The following TMEM131L variants were observed in gnomAD, a reference collection of about 807,000 sequenced individuals.
The protein encoded by TMEM131L is transmembrane protein 131-like.
Under a neutral mutation model 192.2 loss-of-function variants are expected in TMEM131L, and 54 were observed. The ratio of observed to expected loss-of-function variants is 0.28; its 90% CI spans 0.23 to 0.35. TMEM131L has a LOEUF of 0.35. Ranked by LOEUF, TMEM131L falls within the 10% of genes least tolerant of loss-of-function variation. TMEM131L has a pLI of 1.00. For synonymous variants in TMEM131L, 701 were observed against 704.9 expected (o/e 0.99, Z 0.09); for missense variants, 1,888 against 1,972.9 (o/e 0.96, Z 0.82).
intron 19 of TMEM131L, among the ~76,000 whole-genome samples, chr4:153,594,720 C>T (rs1464696165): frequency 2.0e-5 from 3 of 152,178 alleles, no homozygotes; most frequent in Non-Finnish European, 4.4e-5. Flanking sequence ...ACAGATAACC[C>T]ATTACCACAG....
intron 3 of TMEM131L, among the ~76,000 whole-genome samples, chr4:153,546,731 C>T (rs1293752518): frequency 6.6e-6 from 1 of 152,176 alleles, no homozygotes; most frequent in Non-Finnish European, 1.5e-5. Flanking sequence ...AGTTTGAGAC[C>T]AGCCTGACCA....
intron 26 of TMEM131L, among the ~76,000 whole-genome samples, chr4:153,619,956 T>C (rs1733271734): frequency 6.6e-6 from 1 of 152,174 alleles, no homozygotes; most frequent in Non-Finnish European, 1.5e-5. Flanking sequence ...TTTAAGCCCT[T>C]GGGTCTCAGT....
intron 4 of TMEM131L, among the ~76,000 whole-genome samples, chr4:153,550,755 T>C (rs1737560603): frequency 6.6e-6 from 1 of 152,184 alleles, no homozygotes; most frequent in East Asian, 1.9e-4. Flanking sequence ...GTCTCTGAAT[T>C]TTTGTACACT....
intron 3 of TMEM131L, among the ~76,000 whole-genome samples, chr4:153,480,381 G>C (rs191705568): frequency 6.6e-6 from 1 of 151,788 alleles, no homozygotes; most frequent in East Asian, 1.9e-4. Flanking sequence ...TAAGCCGGGC[G>C]TGGCAGCATG....
intron 2 of TMEM131L, among the ~76,000 whole-genome samples, chr4:153,467,987 C>T (rs1423786367): frequency 6.6e-6 from 1 of 152,168 alleles, no homozygotes; most frequent in Non-Finnish European, 1.5e-5. Context: ...GACTGCCTTT[C>T]ACCAGTAACG....
At chr4:153,501,643 A>G (rs1447833687) in intron 3 of TMEM131L, among the ~76,000 whole-genome samples, 1 of 152,164 alleles carries the variant, frequency 6.6e-6, no homozygotes, top group Non-Finnish European at 1.5e-5. Flanking sequence ...TGTCACTGCT[A>G]TGGTGGTGAA....
intron 3 of TMEM131L, among the ~76,000 whole-genome samples, chr4:153,509,917 G>A (rs1258001096): frequency 1.3e-5 from 2 of 152,140 alleles, no homozygotes; most frequent in African/African-American, 4.8e-5. Context: ...GATGGCAGCT[G>A]CTTTTATGGT....
At chr4:153,497,789 C>A (rs535529785) in intron 3 of TMEM131L, among the ~76,000 whole-genome samples, 1 of 142,390 alleles carries the variant, frequency 7.0e-6, no homozygotes, top group East Asian at 2.0e-4. Flanking sequence ...AGACTATACT[C>A]TTTTCTACTC....
chr4:153,556,036 C>G, intron 5 of TMEM131L, 126 bp downstream of exon 5: 1 of 687,882 alleles, frequency 1.5e-6, no homozygotes, highest in Non-Finnish European at 2.0e-6. Flanking sequence ...AAACCTTTTC[C>G]TTCTGTGTGT....
intron 17 of TMEM131L, among the ~76,000 whole-genome samples, chr4:153,591,553 C>T (rs1259386418): frequency 1.3e-5 from 2 of 152,172 alleles, no homozygotes; most frequent in Non-Finnish European, 2.9e-5. Flanking sequence ...AGGCTCCCCT[C>T]CCTGTCTACT....
chr4:153,593,129 T>G (rs1326325077), intron 18 of TMEM131L, among the ~76,000 whole-genome samples: 2 of 152,268 alleles, frequency 1.3e-5, no homozygotes, highest in African/African-American at 4.8e-5. Flanking sequence ...TGTATATTCT[T>G]GTCTAGCATT....
At chr4:153,474,911 C>G (rs1421495919) in intron 3 of TMEM131L, among the ~76,000 whole-genome samples, 1 of 152,114 alleles carries the variant, frequency 6.6e-6, no homozygotes, top group Non-Finnish European at 1.5e-5. Flanking sequence ...ACTTGTCAAA[C>G]TGGGTCCCTT....
chr4:153,608,600 G>A (rs1732402140), intron 25 of TMEM131L, among the ~76,000 whole-genome samples: 1 of 152,178 alleles, frequency 6.6e-6, no homozygotes, highest in Non-Finnish European at 1.5e-5. Flanking sequence ...CTCAAGCCTT[G>A]AGCTTAACAG....
Position 153,627,591 on chromosome 4 carries a change from C to T in TMEM131L, c.4125-14C>T. 6.2e-7 allele frequency: 1 copy of T among 1,609,506 alleles called. No individual in the cohort carries two copies. Among genetic ancestry groups the T allele is most frequent in the South Asian group, 1.1e-5 (1 of 90,952 alleles). On this transcript the variant is annotated splice_polypyrimidine_tract_variant and intron_variant, in intron 30 of 34. Transcript: ENST00000409959. ...AAAAAATGAGTCGTTCCTCCTTTGC[C>T]CTCTTCCCCACAGGACCGTGAATAG...
intron 3 of TMEM131L, among the ~76,000 whole-genome samples, chr4:153,531,015 C>G (rs1421622405): frequency 2.0e-5 from 3 of 152,198 alleles, no homozygotes; most frequent in African/African-American, 2.4e-5. Context: ...CTGACTCTGG[C>G]TGAGGCTGAA....
chr4:153,627,216 C>T (rs1733907372), intron 30 of TMEM131L, among the ~76,000 whole-genome samples: 1 of 152,102 alleles, frequency 6.6e-6, no homozygotes, highest in South Asian at 2.1e-4. Context: ...AGTCAGCCTC[C>T]TTCCCTTGGG....
At chr4:153,589,657 G>A (rs1274309244) in intron 16 of TMEM131L, among the ~76,000 whole-genome samples, 4 of 152,334 alleles carry the variant, frequency 2.6e-5, no homozygotes, top group South Asian at 2.1e-4. Context: ...AAGGGCCAAC[G>A]ACTGCACACA....
At chr4:153,550,731 A>T (rs1737558004) in intron 4 of TMEM131L, among the ~76,000 whole-genome samples, 2 of 151,728 alleles carry the variant, frequency 1.3e-5, no homozygotes, top group African/African-American at 4.9e-5. Context: ...ATAATGAAAA[A>T]CTAAATATTG....
chr4:153,497,049 A>G (rs953845664), intron 3 of TMEM131L, among the ~76,000 whole-genome samples: 1 of 150,346 alleles, frequency 6.7e-6, no homozygotes, highest in African/African-American at 2.5e-5. Context: ...TTTTGTAGAA[A>G]TGGGGTTTTG....
Sources: gnomAD v4.1 joint callset for allele counts (sites outside exome capture counted in the v4.1 genomes callset) on GRCh38, gnomAD v4.1.1 for gene constraint, MANE v1.5 for transcripts, NCBI Gene and HGNC (gene_info 2026-07-23, HGNC 2026-07-21) for gene names.